The following ADK variants were observed in gnomAD, a reference collection of about 807,000 sequenced individuals.
The protein encoded by ADK is N6,N6-dimethyladenosine kinase.
A neutral mutation model predicts 44.7 loss-of-function variants in ADK; 24 were observed. That is an observed-to-expected ratio of 0.54 (90% CI 0.39 to 0.76). The LOEUF is 0.76. Among genes scored for constraint, ADK ranks in the 30% least tolerant of loss-of-function variants. ADK has a pLI of 0.00. For missense variants in ADK, 321 were observed against 425.1 expected, an observed-to-expected ratio of 0.76 and a Z score of 2.15; for synonymous variants, 128 against 142.6, an observed-to-expected ratio of 0.90 and a Z score of 0.73.
chr10:74,318,184 G>A (rs552184339), intron 4 of ADK, among the ~76,000 whole-genome samples: 163 of 152,200 alleles, frequency 1.1e-3, no homozygotes, highest in Non-Finnish European at 1.9e-3. Flanking sequence ...TTTTGAGACA[G>A]AATCTCTTGC....
intron 10 of ADK, among the ~76,000 whole-genome samples, chr10:74,706,593 A>G (rs1388624732): frequency 6.6e-6 from 1 of 152,172 alleles, no homozygotes; most frequent in Non-Finnish European, 1.5e-5. Context: ...GTTCAGTTCC[A>G]TTGATCTATT....
At chr10:74,507,141 A>T (rs1848110916) in intron 6 of ADK, among the ~76,000 whole-genome samples, 1 of 152,172 alleles carries the variant, frequency 6.6e-6, no homozygotes, top group African/African-American at 2.4e-5. Flanking sequence ...CAGGACTGTT[A>T]GGCATTTGTT....
At chr10:74,603,939 A>G (rs1215627279) in intron 9 of ADK, among the ~76,000 whole-genome samples, 1 of 152,146 alleles carries the variant, frequency 6.6e-6, no homozygotes, top group African/African-American at 2.4e-5. Context: ...AATGATCACC[A>G]TTCTAACTGA....
chr10:74,553,194 T>TG (rs1482992034), intron 7 of ADK, among the ~76,000 whole-genome samples: 2 of 82,078 alleles, frequency 2.4e-5, no homozygotes, highest in African/African-American at 1.6e-4. Context: ...CATTGTGTTT[T>TG]TTTTTTTTTT....
At chr10:74,655,990 G>T (rs967658984) in intron 9 of ADK, 3 of 672,448 alleles carry the variant, frequency 4.5e-6, no homozygotes, top group Admixed American at 1.9e-5. Flanking sequence ...GTGACCATGG[G>T]AACCGCCTGC....
chr10:74,254,508 A>G (rs1845755719), intron 3 of ADK, among the ~76,000 whole-genome samples: 2 of 152,018 alleles, frequency 1.3e-5, no homozygotes, highest in Admixed American at 1.3e-4. Flanking sequence ...AAAGAAAATT[A>G]TGTATTTTAA....
intron 3 of ADK, among the ~76,000 whole-genome samples, chr10:74,287,455 C>T (rs1428537698): frequency 6.7e-6 from 1 of 148,704 alleles, no homozygotes; most frequent in Non-Finnish European, 1.5e-5. Context: ...TAGAGTGAGA[C>T]TCCGTCTCAA....
chr10:74,634,559 AG>A (rs1853557217), intron 9 of ADK, among the ~76,000 whole-genome samples: 1 of 152,174 alleles, frequency 6.6e-6, no homozygotes, highest in Admixed American at 6.5e-5. Flanking sequence ...TTAGGTTCAC[AG>A]GGTACTCTTT....
At chr10:74,442,641 A>C (rs944704101) in intron 6 of ADK, among the ~76,000 whole-genome samples, 1 of 152,158 alleles carries the variant, frequency 6.6e-6, no homozygotes, top group Non-Finnish European at 1.5e-5. Context: ...GTGAGACTCT[A>C]TCTCTAAAGA....
chr10:74,361,415 C>T (rs1842332941), intron 4 of ADK, among the ~76,000 whole-genome samples: 1 of 151,942 alleles, frequency 6.6e-6, no homozygotes, highest in African/African-American at 2.4e-5. Context: ...TCTGTGGTTA[C>T]CAAGAGGCTT....
chr10:74,604,133 G>A (rs989264936), intron 9 of ADK, among the ~76,000 whole-genome samples: 1 of 152,088 alleles, frequency 6.6e-6, no homozygotes, highest in Admixed American at 6.6e-5. Flanking sequence ...TAAGTTCTTT[G>A]TAGATTCTGG....
chr10:74,371,692 G>C, intron 4 of ADK: 5 of 1,200,824 alleles, frequency 4.2e-6, no homozygotes, highest in Non-Finnish European at 6.1e-6. Context: ...AATCTGAAGA[G>C]GACCTGGGAG....
Position 74,373,581 on chromosome 10 carries a change from A to G in ADK, c.274-20560A>G, listed in dbSNP as rs73288042. 3.8e-3 allele frequency among the ~76,000 whole-genome samples: 584 copies of G among 152,324 alleles called. 4 individuals are homozygous for G. Among genetic ancestry groups the G allele is most frequent in the African/African-American group, 0.013 (561 of 41,580 alleles). On this transcript the variant is annotated intron_variant, in intron 4 of 10. Transcript: ENST00000539909. The stretch of plus-strand genomic sequence containing the variant: ...ACATAAAAAGATGCTCAACATAATT[A>G]GCTATCAGGTATATTAAAGTCAAAA...
rs138145573 is a variant in ADK at position 74,505,598 on chromosome 10, A to G, written c.556-19658A>G. On this transcript the variant is annotated intron_variant, in intron 6 of 10. Coordinates refer to ENST00000539909, the MANE Select transcript of ADK (RefSeq NM_006721.4). ...ACTCTGTTGTAAATCCTATGAAGTC[A>G]TATACACCATTGGACACAGTTTTTC... is the stretch of plus-strand genomic sequence containing the variant. Among the ~76,000 whole-genome samples the G allele has an allele frequency of 1.7e-4, 26 of 150,154 alleles. 1 individual carries two copies. In the East Asian group the frequency reaches 3.9e-3, roughly 23 times the overall value.
At chr10:74,246,925 T>A (rs1421322948) in intron 3 of ADK, among the ~76,000 whole-genome samples, 1 of 152,086 alleles carries the variant, frequency 6.6e-6, no homozygotes, top group Non-Finnish European at 1.5e-5. Flanking sequence ...CATTAACATT[T>A]AATGAATTTA....
chr10:74,201,146 C>T (rs1055468896), intron 2 of ADK, among the ~76,000 whole-genome samples: 1 of 152,138 alleles, frequency 6.6e-6, no homozygotes, highest in East Asian at 1.9e-4. Flanking sequence ...CAGTGAGCTA[C>T]GTCTATAATG....
intron 1 of ADK, among the ~76,000 whole-genome samples, chr10:74,172,649 A>T (rs887667329): frequency 3.5e-5 from 5 of 144,282 alleles, no homozygotes; most frequent in Non-Finnish European, 7.5e-5. Flanking sequence ...AGATCGCGCC[A>T]TTGCACCCCA....
At chr10:74,302,137 T>TTTTTTTTTTTGTTTTTTTTG (rs1840078403) in intron 3 of ADK, among the ~76,000 whole-genome samples, 1 of 103,822 alleles carries the variant, frequency 9.6e-6, no homozygotes, top group Non-Finnish European at 1.9e-5. Context: ...TTTTTTTTTT[T>TTTTTTTTTTTGTTTTTTTTG]TTTTTTTTTG....
chr10:74,410,738 C>T (rs944609011), intron 6 of ADK, among the ~76,000 whole-genome samples: 5 of 152,014 alleles, frequency 3.3e-5, no homozygotes, highest in Non-Finnish European at 7.4e-5. Context: ...AAACCTTATT[C>T]GACCATGGAA....
Sources: allele counts gnomAD v4.1 joint callset (sites outside exome capture counted in the v4.1 genomes callset), GRCh38; gene constraint gnomAD v4.1.1; transcripts MANE v1.5; gene names NCBI Gene and HGNC (gene_info 2026-07-23, HGNC 2026-07-21).